GULP1: variants seen among roughly 807,000 people sequenced by gnomAD.
GULP1 encodes the protein GULP PTB domain containing engulfment adaptor 1, also known as PTB domain-containing engulfment adapter protein 1.
GULP1 carries 19 observed loss-of-function variants against 40.9 expected under a neutral mutation model. That is an observed-to-expected ratio of 0.46 (90% CI 0.32 to 0.68). The LOEUF (loss-of-function observed/expected upper bound fraction) is 0.68. Ranked by LOEUF, GULP1 falls within the 30% of genes least tolerant of loss-of-function variation. The pLI, the probability that GULP1 is intolerant of heterozygous loss-of-function variation, is 0.03. For missense variants in GULP1, 312 were observed against 362.2 expected (o/e 0.86, Z 1.12); for synonymous variants, 119 against 117.6 (o/e 1.01, Z -0.08).
intron 1 of GULP1, among the ~76,000 whole-genome samples, chr2:188,309,506 C>A (rs1031218153): frequency 6.6e-6 from 1 of 152,022 alleles, no homozygotes; most frequent in African/African-American, 2.4e-5. Context: ...GGTATATTAT[C>A]TTGAGATTCC....
intron 2 of GULP1, among the ~76,000 whole-genome samples, chr2:188,464,685 C>G (rs1008181582): frequency 1.3e-5 from 2 of 152,126 alleles, no homozygotes; most frequent in Non-Finnish European, 2.9e-5. Flanking sequence ...ACTTGTTGTT[C>G]TATTGTACTG....
chr2:188,301,283 C>T (rs1392661687), intron 1 of GULP1, among the ~76,000 whole-genome samples: 1 of 152,154 alleles, frequency 6.6e-6, no homozygotes, highest in Admixed American at 6.5e-5. Flanking sequence ...TTTGACCTGC[C>T]AATGTGCTGG....
intron 9 of GULP1, 64 bp downstream of exon 9, chr2:188,570,184 G>T (rs746931879): frequency 2.2e-5 from 16 of 712,344 alleles, no homozygotes; most frequent in Non-Finnish European, 3.4e-5. Flanking sequence ...TGTATCACTA[G>T]TTCTGCAATA....
At chr2:188,314,083 A>C (rs572100287) in intron 1 of GULP1, among the ~76,000 whole-genome samples, 1 of 151,918 alleles carries the variant, frequency 6.6e-6, no homozygotes. Flanking sequence ...TGAAGTCTTA[A>C]CACTGTCTGT....
At chr2:188,380,650 C>A (rs1421942554) in intron 1 of GULP1, among the ~76,000 whole-genome samples, 1 of 152,046 alleles carries the variant, frequency 6.6e-6, no homozygotes, top group Non-Finnish European at 1.5e-5. Flanking sequence ...CAGGAAAACT[C>A]CTAAAACATT....
chr2:188,425,884 T>A (rs1575166860), intron 2 of GULP1, among the ~76,000 whole-genome samples: 1 of 152,294 alleles, frequency 6.6e-6, no homozygotes, highest in Admixed American at 6.5e-5. Context: ...GTATCTAGGA[T>A]CGTATTTTCA....
At chr2:188,440,640 C>T (rs554758342) in intron 2 of GULP1, among the ~76,000 whole-genome samples, 9 of 152,258 alleles carry the variant, frequency 5.9e-5, no homozygotes, top group Admixed American at 5.9e-4. Context: ...TCTCGGCTCA[C>T]TGCAACCTTC....
chr2:188,352,648 A>ACACACACACACG (rs10610149), intron 1 of GULP1, among the ~76,000 whole-genome samples: 1 of 149,614 alleles, frequency 6.7e-6, no homozygotes, highest in Non-Finnish European at 1.5e-5. Context: ...ACACACACAC[A>ACACACACACACG]CGGTTCTGTT....
intron 3 of GULP1, among the ~76,000 whole-genome samples, chr2:188,478,883 G>A (rs746243727): frequency 1.5e-4 from 23 of 152,058 alleles, no homozygotes; most frequent in Non-Finnish European, 1.9e-4. Context: ...CCTTTAAAAG[G>A]TTACAGTGTT....
chr2:188,589,176 T>A (rs1013479210), intron 11 of GULP1: 6 of 152,162 alleles, frequency 3.9e-5, no homozygotes, highest in Admixed American at 6.5e-5. Context: ...AAATTATAAA[T>A]TAAATGAAAG....
At chr2:188,328,828 A>G (rs1559116270) in intron 1 of GULP1, among the ~76,000 whole-genome samples, 1 of 152,150 alleles carries the variant, frequency 6.6e-6, no homozygotes, top group Non-Finnish European at 1.5e-5. Context: ...TGGTTTATTC[A>G]TGATGAATAT....
chr2:188,294,884 A>T (rs1277018318), intron 1 of GULP1, among the ~76,000 whole-genome samples: 2 of 152,246 alleles, frequency 1.3e-5, no homozygotes, highest in African/African-American at 4.8e-5. Context: ...TGGGGATAAA[A>T]TAGGAATACT....
At chr2:188,315,488 C>G (rs932326558) in intron 1 of GULP1, among the ~76,000 whole-genome samples, 3 of 152,124 alleles carry the variant, frequency 2.0e-5, no homozygotes, top group African/African-American at 7.2e-5. Flanking sequence ...CTATCAGAGT[C>G]TGTTTCCCAA....
chr2:188,315,584 A>G (rs1165950389), intron 1 of GULP1, among the ~76,000 whole-genome samples: 2 of 152,096 alleles, frequency 1.3e-5, no homozygotes, highest in Non-Finnish European at 2.9e-5. Context: ...AAGAAAGTAC[A>G]AAATAAAGGT....
intron 4 of GULP1, among the ~76,000 whole-genome samples, chr2:188,502,307 A>G (rs2063510160): frequency 6.6e-6 from 1 of 151,920 alleles, no homozygotes; most frequent in African/African-American, 2.4e-5. Context: ...TTAAGGAAAT[A>G]TTATCTACAT....
chr2:188,408,637 T>A (rs2053456911), intron 2 of GULP1, among the ~76,000 whole-genome samples: 1 of 152,112 alleles, frequency 6.6e-6, no homozygotes, highest in African/African-American at 2.4e-5. Context: ...TAAGGAAACA[T>A]TGGACTTGAA....
chr2:188,432,170 T>C (rs2056943441), intron 2 of GULP1, among the ~76,000 whole-genome samples: 1 of 151,722 alleles, frequency 6.6e-6, no homozygotes. Flanking sequence ...AAAAAATATC[T>C]TCGTATGTAT....
At chr2:188,331,573 C>G (rs1185953481) in intron 1 of GULP1, among the ~76,000 whole-genome samples, 3 of 152,058 alleles carry the variant, frequency 2.0e-5, no homozygotes, top group African/African-American at 7.2e-5. Context: ...TTTTTGCAAA[C>G]ATTTGATTTG....
chr2:188,587,858 G>T lies in GULP1; in HGVS notation c.752G>T (p.Arg251Leu). ...PVPSRSTEIK[R>L]DLFGAEPFDP... is the part of the protein sequence containing the mutation. ...TAAATTATTTCCTTCCTTGCAGAAC[G>T]GGACCTGTTTGGAGCAGAACCTTTT... Residue 251 changes from arginine (R) to leucine (L), a missense_variant, in exon 11 of 12, where the codon CGG (arginine) becomes CTG (leucine). Transcript: ENST00000409830. 6.3e-7 allele frequency: 1 copy of T among 1,579,658 alleles called. No homozygotes were observed. The highest frequency in any genetic ancestry group is 8.7e-7 in the Non-Finnish European group (1 of 1,151,594).
Sources: gnomAD v4.1 joint callset for allele counts (sites outside exome capture counted in the v4.1 genomes callset) on GRCh38, gnomAD v4.1.1 for gene constraint, MANE v1.5 for transcripts, NCBI Gene and HGNC (gene_info 2026-07-23, HGNC 2026-07-21) for gene names.